FAM124B: variants seen among roughly 807,000 people sequenced by gnomAD.
The protein encoded by FAM124B is protein FAM124B.
FAM124B carries 18 observed loss-of-function variants against 19.7 expected under a neutral mutation model. The ratio of observed to expected loss-of-function variants is 0.92; its 90% CI spans 0.63 to 1.36. FAM124B has a LOEUF of 1.36. Ranked by LOEUF, FAM124B falls within the 40% of genes most tolerant of loss-of-function variation. The pLI, the probability that FAM124B is intolerant of heterozygous loss-of-function variation, is 0.00. For missense variants in FAM124B, 540 were observed against 553.3 expected, an observed-to-expected ratio of 0.98 and a Z score of 0.24; for synonymous variants, 223 against 225.2, an observed-to-expected ratio of 0.99 and a Z score of 0.09.
rs1191252029 is a variant in FAM124B, at chr2:224,401,264, T to C, written c.505A>G (p.Ser169Gly). 3 of 1,613,864 alleles carry C rather than the reference T, an allele frequency of 1.9e-6. No individual in the cohort carries two copies. In the South Asian group the frequency reaches 3.3e-5, roughly 18 times the overall value. Residue 169 changes from serine to glycine, a missense_variant, in exon 1 of 2, where the codon AGC (serine) becomes GGC (glycine). Physicochemically the swap from Ser to Gly is moderately conservative, Grantham distance 56. Transcript: ENST00000409685. ...TAGAGCACGAAGAAACAAAAATTGC[T>C]CTTTTGCAAGGTCGCTTCTCTCTGC... Reference protein sequence around the residue: ...ILQREATLQKSNFCFFVLYAS... With the variant: ...ILQREATLQKGNFCFFVLYAS...
At chr2:224,393,243 C>T (rs1182488895) in intron 1 of FAM124B, among the ~76,000 whole-genome samples, 3 of 152,132 alleles carry the variant, frequency 2.0e-5, no homozygotes, top group African/African-American at 7.2e-5. Flanking sequence ...CCCAGGACTG[C>T]AAGAAGGATA....
In FAM124B at chr2:224,394,694, T is replaced by G. The variant is rs575773731; in HGVS notation, c.732+6343A>C. Among the ~76,000 whole-genome samples the G allele has an allele frequency of 2.0e-5, 3 of 152,312 alleles. No individual in the cohort carries two copies. The South Asian group carries it at 6.2e-4, about 32-fold the overall frequency. On this transcript the variant is annotated intron_variant, in intron 1 of 1. Transcript: ENST00000409685. The stretch of plus-strand genomic sequence containing the variant: ...TGTGTCCTCCTGCACCCATTTTCAG[T>G]GCACAAAAAATTCTCTAAACTCCTT...
chr2:224,401,556 G>C lies in FAM124B; in HGVS notation c.213C>G (p.Leu71=). 1.2e-6 allele frequency: 2 copies of C among 1,614,170 alleles called. No individual in the cohort carries two copies. Among genetic ancestry groups the C allele is most frequent in the Non-Finnish European group, 1.7e-6 (2 of 1,180,020 alleles). ...CCTCTCCCGGGCTTTCGTGCAGGAA[G>C]AGCAACACGGACATCCCTGGAAACC... The part of the protein sequence containing the change: ...RSRFPGMSVL[L]FLHESPGEDR... The change falls in exon 1 of 2, where the codon CTC becomes CTG. Residue 71 remains leucine (L), a synonymous_variant. Transcript: ENST00000409685.
chr2:224,393,530 C>A (rs1689921989), intron 1 of FAM124B, among the ~76,000 whole-genome samples: 1 of 152,138 alleles, frequency 6.6e-6, no homozygotes, highest in Admixed American at 6.5e-5. Flanking sequence ...GTGTGTGTGA[C>A]CTTTCCCATT....
rs868784598 is a variant in FAM124B at position 224,379,744 on chromosome 2, G to A, written c.1197C>T (p.Ser399=). The A allele has an allele frequency of 1.3e-6, 2 of 1,551,726 alleles. No homozygotes were observed. The highest frequency in any genetic ancestry group is 1.2e-5 in the South Asian group (1 of 84,058). Residue 399 remains serine, a synonymous_variant, in exon 2 of 2, where the codon TCC becomes TCT. Coordinates refer to ENST00000409685, the MANE Select transcript of FAM124B (RefSeq NM_001122779.2). Reference sequence around the variant, plus strand: ...TGTTTTTGGAGGTAGCCACCCCCAAGGAAGAGGCTGGCAAGCAGAATGGTG... The same window carrying A: ...TGTTTTTGGAGGTAGCCACCCCCAAAGAAGAGGCTGGCAAGCAGAATGGTG... ...SQPPFCLPAS[S]LGVATSKNNS...
intron 1 of FAM124B, among the ~76,000 whole-genome samples, chr2:224,384,422 T>C (rs1228713158): frequency 6.6e-6 from 1 of 152,198 alleles, no homozygotes; most frequent in Admixed American, 6.5e-5. Context: ...ACTATTCCCA[T>C]TCTGTCACAG....
intron 1 of FAM124B, among the ~76,000 whole-genome samples, chr2:224,380,623 A>G (rs1298560193): frequency 6.6e-6 from 1 of 152,210 alleles, no homozygotes; most frequent in Non-Finnish European, 1.5e-5. Context: ...GTTAAAGTTA[A>G]GATAAGGATT....
At chr2:224,400,888 A>G (rs561329574) in intron 1 of FAM124B, 149 bp downstream of exon 1, 22 of 1,045,340 alleles carry the variant, frequency 2.1e-5, no homozygotes, top group Middle Eastern at 3.1e-4. Flanking sequence ...AGAGATTCGG[A>G]TCAAACTGCC....
At chr2:224,384,030 T>C (rs1689764086) in intron 1 of FAM124B, among the ~76,000 whole-genome samples, 1 of 152,144 alleles carries the variant, frequency 6.6e-6, no homozygotes, top group Non-Finnish European at 1.5e-5. Context: ...CCCCTTGCCA[T>C]CTAAATCAAT....
In FAM124B at chr2:224,378,863, G is replaced by T. The variant is rs1689666933; in HGVS notation, c.*710C>A. ...CCACTGTGCTCAATGTTCCTCTTTG[G>T]TTTGTAACAAGAACCACTGTCCTCT... On this transcript the variant is annotated 3_prime_UTR_variant, in exon 2 of 2. Transcript: ENST00000409685. The T allele has an allele frequency of 6.6e-6, 1 of 152,170 alleles. No individual in the cohort carries two copies. The highest frequency in any genetic ancestry group is 1.5e-5 in the Non-Finnish European group (1 of 68,050). 9.4% of individuals were successfully genotyped at this position (152,170 alleles called of 1,614,324 possible).
chr2:224,399,816 C>T (rs1429816290), intron 1 of FAM124B: 1 of 152,122 alleles, frequency 6.6e-6, no homozygotes. Context: ...ACAATAATAG[C>T]TAAAATTGAG....
At chr2:224,389,211 C>A (rs147999685) in intron 1 of FAM124B, among the ~76,000 whole-genome samples, 5,919 of 152,274 alleles carry the variant, frequency 0.039, 115 homozygotes, top group Non-Finnish European at 0.042. Context: ...GGATTACAGG[C>A]ATGAGCCACC....
chr2:224,391,358 A>C (rs1383656832), intron 1 of FAM124B, among the ~76,000 whole-genome samples: 1 of 151,546 alleles, frequency 6.6e-6, no homozygotes, highest in Non-Finnish European at 1.5e-5. Context: ...AAAAAAAAAA[A>C]AGAAAGAAAC....
chr2:224,399,232 A>C (rs1026484212), intron 1 of FAM124B, among the ~76,000 whole-genome samples: 6 of 152,228 alleles, frequency 3.9e-5, no homozygotes, highest in Non-Finnish European at 4.4e-5. Flanking sequence ...TGCTGCACAC[A>C]CACATTACAT....
intron 1 of FAM124B, among the ~76,000 whole-genome samples, chr2:224,392,616 A>C (rs138271013): frequency 2.0e-3 from 298 of 152,208 alleles, no homozygotes; most frequent in African/African-American, 6.8e-3. Context: ...TTAGCCGGGC[A>C]TGATGGTGCA....
At position 224,401,134 on chromosome 2, in the gene FAM124B, A is replaced by T. The variant is rs1372924904; in HGVS notation, c.635T>A (p.Ile212Asn). 6.2e-7 allele frequency: 1 copy of T among 1,614,156 alleles called. No homozygotes were observed. Among genetic ancestry groups the T allele is most frequent in the Non-Finnish European group, 8.5e-7 (1 of 1,180,032 alleles). Residue 212 changes from isoleucine to asparagine, a missense_variant, in exon 1 of 2, where the codon ATC becomes AAC. Ile to Asn is a moderately radical substitution (Grantham distance 149). Transcript: ENST00000409685. ...GGGTAGCAGAGGCACTAACTGGCCG[A>T]TCTCTTGAACCTTAAACTGCAGCAC... ...SSVLQFKVQEIGQLVPLLPNP... is the reference protein window; with the variant it reads ...SSVLQFKVQENGQLVPLLPNP...
intron 1 of FAM124B, among the ~76,000 whole-genome samples, chr2:224,388,210 T>C (rs1369212937): frequency 1.3e-5 from 2 of 152,186 alleles, no homozygotes; most frequent in Non-Finnish European, 2.9e-5. Flanking sequence ...TATGAAATGT[T>C]CTAGTTAGGA....
Position 224,402,081 on chromosome 2 carries a change from C to T in FAM124B, c.-313G>A, listed in dbSNP as rs1226141723. On this transcript the variant is annotated 5_prime_UTR_variant, in exon 1 of 2. Coordinates refer to ENST00000409685, the MANE Select transcript of FAM124B (RefSeq NM_001122779.2). Reference sequence around the variant, plus strand: ...CCTTTTCAGGCGTTCCCCAGGGTTTCTGCGTGACCTAAAAACCTATAATCC... The same window carrying T: ...CCTTTTCAGGCGTTCCCCAGGGTTTTTGCGTGACCTAAAAACCTATAATCC... 3.3e-6 allele frequency: 1 copy of T among 302,942 alleles called. No individual in the cohort carries two copies. The highest frequency in any genetic ancestry group is 6.2e-6 in the Non-Finnish European group (1 of 161,530). The allele number at this position is 302,942 out of a possible 1,614,324, so 18.8% of individuals were successfully genotyped here.
Position 224,401,530 on chromosome 2 carries a change from T to A in FAM124B, c.239A>T (p.Asp80Val). Residue 80 changes from aspartate to valine, a missense_variant, in exon 1 of 2, where the codon GAT becomes GTT. Physicochemically the swap from Asp to Val is radical, Grantham distance 152 (BLOSUM62 -3). Transcript: ENST00000409685. ...AGAGTCCAGGACGCGAAATAGCCTA[T>A]CCTCTCCCGGGCTTTCGTGCAGGAA... is the stretch of plus-strand genomic sequence containing the variant. ...LLFLHESPGE[D>V]RLFRVLDSLQ... The A allele has an allele frequency of 6.2e-7, 1 of 1,613,996 alleles. No individual in the cohort carries two copies. Among genetic ancestry groups the A allele is most frequent in the Non-Finnish European group, 8.5e-7 (1 of 1,179,984 alleles).
Sources: allele counts gnomAD v4.1 joint callset (sites outside exome capture counted in the v4.1 genomes callset), GRCh38; gene constraint gnomAD v4.1.1; transcripts MANE v1.5; gene names NCBI Gene and HGNC (gene_info 2026-07-23, HGNC 2026-07-21).